The following FAM135A variants were observed in gnomAD, a reference collection of about 807,000 sequenced individuals.
FAM135A encodes the protein protein FAM135A.
A neutral mutation model predicts 146.8 loss-of-function variants in FAM135A; 79 were observed. The ratio of observed to expected loss-of-function variants is 0.54; its 90% CI spans 0.45 to 0.65. The LOEUF (loss-of-function observed/expected upper bound fraction) is 0.65. Among genes scored for constraint, FAM135A ranks in the 30% least tolerant of loss-of-function variants. FAM135A has a pLI of 0.00. For synonymous variants in FAM135A, 562 were observed against 603.6 expected (o/e 0.93, Z 1.01); for missense variants, 1,623 against 1,758.2 (o/e 0.92, Z 1.38).
At chr6:70,446,714 A>T (rs1775835345) in intron 4 of FAM135A, among the ~76,000 whole-genome samples, 3 of 152,194 alleles carry the variant, frequency 2.0e-5, no homozygotes, top group Non-Finnish European at 4.4e-5. Flanking sequence ...CCCAATAAGG[A>T]TAATTGTTCT....
At chr6:70,533,330 G>A in intron 17 of FAM135A, 79 bp downstream of exon 17, 2 of 891,636 alleles carry the variant, frequency 2.2e-6, no homozygotes, top group Non-Finnish European at 3.5e-6. Context: ...ACTACAAAAT[G>A]CCTGTAATAG....
chr6:70,435,630 C>T (rs1018431880), intron 4 of FAM135A, among the ~76,000 whole-genome samples: 11 of 152,096 alleles, frequency 7.2e-5, no homozygotes, highest in African/African-American at 2.7e-4. Flanking sequence ...AGCAATTCTC[C>T]TGCCTCAGCC....
rs1785811343 is a variant in FAM135A at position 70,491,041 on chromosome 6, G to A, written c.831G>A (p.Met277Ile). 1 of 1,599,398 alleles carries A rather than the reference G, an allele frequency of 6.3e-7. No homozygotes were observed. Among genetic ancestry groups the A allele is most frequent in the Non-Finnish European group, 8.5e-7 (1 of 1,174,020 alleles). The stretch of plus-strand genomic sequence containing the variant: ...ACTCTTTACTCCTTCCAGAGGAAAT[G>A]GATGTAGAAGCTCGACTTACTGAAC... Reference protein sequence around the residue: ...PSCQKLELEEMDVEARLTELC... With the variant: ...PSCQKLELEEIDVEARLTELC... The change falls in exon 11 of 22, where the codon ATG becomes ATA. Residue 277 changes from methionine (M) to isoleucine (I), a missense_variant. Physicochemically the swap from Met to Ile is conservative, Grantham distance 10. This residue lies in a region of FAM135A where 206 missense variants were observed against 194.7 expected (regional missense o/e 1.06). Coordinates refer to ENST00000418814, the MANE Select transcript of FAM135A (RefSeq NM_001162529.3).
rs190461735 is a variant in FAM135A at position 70,476,692 on chromosome 6, A to T, written c.369-467A>T. ...TGATATACTAAATATCTACAATAAGATATGTTTTACTTTTTAAAATAAGCA... is the reference window on the plus strand; with the variant it reads ...TGATATACTAAATATCTACAATAAGTTATGTTTTACTTTTTAAAATAAGCA... On this transcript the variant is annotated intron_variant, in intron 7 of 21. Coordinates refer to ENST00000418814, the MANE Select transcript of FAM135A (RefSeq NM_001162529.3). Among the ~76,000 whole-genome samples, 46 of 152,228 alleles carry T rather than the reference A, an allele frequency of 3.0e-4. No homozygotes were observed. In the East Asian group the frequency reaches 8.9e-3, roughly 29 times the overall value.
chr6:70,444,406 A>AAAAT (rs139346630), intron 4 of FAM135A, among the ~76,000 whole-genome samples: 190 of 150,594 alleles, frequency 1.3e-3, no homozygotes, highest in East Asian at 4.3e-3. Flanking sequence ...GTGTCTCAAA[A>AAAAT]AAATAAATAA....
At chr6:70,443,187 A>T (rs1438726717) in intron 4 of FAM135A, among the ~76,000 whole-genome samples, 8 of 152,166 alleles carry the variant, frequency 5.3e-5, no homozygotes, top group Admixed American at 4.6e-4. Flanking sequence ...GTTTGCCCAC[A>T]TGCTTGCCAT....
At chr6:70,435,556 G>A (rs895079358) in intron 4 of FAM135A, among the ~76,000 whole-genome samples, 1 of 149,358 alleles carries the variant, frequency 6.7e-6, no homozygotes, top group Admixed American at 6.7e-5. Context: ...TTTCGCTCTT[G>A]TTGCCCAGGC....
chr6:70,464,753 G>A (rs1465572769), intron 5 of FAM135A, among the ~76,000 whole-genome samples: 5 of 124,378 alleles, frequency 4.0e-5, no homozygotes, highest in African/African-American at 1.6e-4. Flanking sequence ...TGCAACCTCC[G>A]TCTTCCCAGT....
chr6:70,505,186 T>C (rs1289427644), intron 12 of FAM135A, among the ~76,000 whole-genome samples: 1 of 152,152 alleles, frequency 6.6e-6, no homozygotes, highest in Non-Finnish European at 1.5e-5. Flanking sequence ...AGCATATATA[T>C]TCTAAGAATA....
At chr6:70,488,134 G>C (rs1382348637) in intron 10 of FAM135A, among the ~76,000 whole-genome samples, 1 of 152,112 alleles carries the variant, frequency 6.6e-6, no homozygotes, top group East Asian at 1.9e-4. Context: ...ACAGGTACAA[G>C]CATGTTTATT....
At chr6:70,495,856 C>CA in intron 11 of FAM135A, among the ~76,000 whole-genome samples, 1 of 152,100 alleles carries the variant, frequency 6.6e-6, no homozygotes, top group Non-Finnish European at 1.5e-5. Context: ...TCTCATTGTT[C>CA]AACTCCCACT....
chr6:70,505,109 C>T (rs1038301324), intron 12 of FAM135A: 2 of 151,632 alleles, frequency 1.3e-5, no homozygotes, highest in South Asian at 4.2e-4. Context: ...TATATACTTA[C>T]ATACATTGTT....
chr6:70,529,158 G>A (rs948292766), intron 16 of FAM135A, among the ~76,000 whole-genome samples: 2 of 151,390 alleles, frequency 1.3e-5, no homozygotes, highest in Non-Finnish European at 2.9e-5. Context: ...TAGAAAAATC[G>A]GTATTTCTAG....
intron 4 of FAM135A, among the ~76,000 whole-genome samples, chr6:70,439,982 G>A (rs1386879635): frequency 1.3e-5 from 2 of 152,118 alleles, no homozygotes. Context: ...TTAAATAAAT[G>A]TTTAAAATAA....
At chr6:70,445,930 ACTT>A (rs1775612165) in intron 4 of FAM135A, among the ~76,000 whole-genome samples, 1 of 152,228 alleles carries the variant, frequency 6.6e-6, no homozygotes, top group African/African-American at 2.4e-5. Context: ...ATGGTGAGCT[ACTT>A]CTTGCAGGAG....
In FAM135A at chr6:70,524,422, A is replaced by G; in HGVS notation, c.1338A>G (p.Glu446=). 6 of 1,536,888 alleles carry G rather than the reference A, an allele frequency of 3.9e-6. No homozygotes were observed. Among genetic ancestry groups the G allele is most frequent in the Non-Finnish European group, 5.2e-6 (6 of 1,143,298 alleles). The part of the protein sequence containing the change: ...SSKMDKYETE[E]SSVAGLSSPE... ...AAATGGATAAATATGAGACTGAAGA[A>G]AGCTCTGTAGCAGGACTTTCTAGCC... is the stretch of plus-strand genomic sequence containing the variant. Residue 446 remains glutamate (E), a synonymous_variant, in exon 15 of 22, where the codon GAA becomes GAG. Coordinates refer to ENST00000418814, the MANE Select transcript of FAM135A (RefSeq NM_001162529.3).
At chr6:70,475,599 A>T in intron 6 of FAM135A, 50 bp downstream of exon 6, 1 of 1,583,304 alleles carries the variant, frequency 6.3e-7, no homozygotes, top group Middle Eastern at 1.7e-4. Context: ...GTAATGCCTC[A>T]AGATGTTATT....
rs573135611 is a variant in FAM135A, at chr6:70,415,955, A to T, written c.-134+579A>T. Among the ~76,000 whole-genome samples, 215 of 152,336 alleles carry T rather than the reference A, an allele frequency of 1.4e-3. 1 individual carries two copies. Among genetic ancestry groups the T allele is most frequent in the Admixed American group, 3.9e-3 (59 of 15,310 alleles). On this transcript the variant is annotated intron_variant, in intron 2 of 21. Coordinates refer to ENST00000418814, the MANE Select transcript of FAM135A (RefSeq NM_001162529.3). ...CGCAGACAAAAATTGCTATATAAAT[A>T]CTTAGTTTTTATCTCTTTAATTTTA...
Position 70,526,358 on chromosome 6 carries a change from C to T in FAM135A, c.3274C>T (p.Gln1092Ter). ...DKEDEEEEQD[Q>*]QMVQNGYYEE... The stretch of plus-strand genomic sequence containing the variant: ...AGAGGATGAGGAGGAAGAGCAGGAT[C>T]AACAAATGGTTCAAAATGGGTACTA... Residue 1092 changes from glutamine (Q) to a stop codon, truncating the protein, a stop_gained, in exon 15 of 22, where the codon CAA becomes TAA. Transcript: ENST00000418814. LOFTEE classifies it high-confidence loss of function. The T allele has an allele frequency of 6.2e-7, 1 of 1,613,408 alleles. No individual in the cohort carries two copies. The highest frequency in any genetic ancestry group is 8.5e-7 in the Non-Finnish European group (1 of 1,179,640).
Sources: gnomAD v4.1 joint callset for allele counts (sites outside exome capture counted in the v4.1 genomes callset) on GRCh38, gnomAD v4.1.1 for gene constraint, gnomAD v4.1.1 regional missense constraint, MANE v1.5 for transcripts, NCBI Gene and HGNC (gene_info 2026-07-23, HGNC 2026-07-21) for gene names.